Variants in CADM2 observed in about 807,000 individuals in gnomAD.
The protein encoded by CADM2 is immunoglobulin superfamily member 4D.
In CADM2, 12 loss-of-function variants were observed where a neutral mutation model predicts 49.8. The observed-to-expected ratio is 0.24, with a 90% CI of 0.15 to 0.39. The LOEUF is 0.39. Among genes scored for constraint, CADM2 ranks in the 10% least tolerant of loss-of-function variants. The pLI is 1.00. For synonymous variants in CADM2, 214 were observed against 175.4 expected (o/e 1.22, Z -1.74); for missense variants, 378 against 492.3 (o/e 0.77, Z 2.20).
rs556714511 is a variant in CADM2 at position 85,144,272 on chromosome 3, T to C, written c.61+184604T>C. Among the ~76,000 whole-genome samples the C allele has an allele frequency of 8.6e-3, 1,063 of 124,240 alleles. 9 individuals are homozygous for C. Among genetic ancestry groups the C allele is most frequent in the African/African-American group, 0.025 (814 of 33,148 alleles). The allele number at this position is 124,240 out of a possible 152,430, so 81.5% of individuals were successfully genotyped here. Reference sequence around the variant, plus strand: ...ACACACACACACACACACACACACATGTGCACACAATCTTTCTCGTGTCTT... The same window carrying C: ...ACACACACACACACACACACACACACGTGCACACAATCTTTCTCGTGTCTT... On this transcript the variant is annotated intron_variant, in intron 1 of 9. Transcript: ENST00000383699.
intron 1 of CADM2, among the ~76,000 whole-genome samples, chr3:85,295,403 A>G (rs1378475213): frequency 6.6e-6 from 1 of 152,194 alleles, no homozygotes; most frequent in African/African-American, 2.4e-5. Flanking sequence ...GGGATCTAGA[A>G]CTAGAAATAC....
intron 1 of CADM2, among the ~76,000 whole-genome samples, chr3:85,177,819 A>G (rs1193228545): frequency 6.6e-6 from 1 of 152,006 alleles, no homozygotes; most frequent in East Asian, 1.9e-4. Flanking sequence ...TAAGAGAAAT[A>G]GAAAAGCCGT....
intron 1 of CADM2, among the ~76,000 whole-genome samples, chr3:85,040,474 C>G (rs1440159641): frequency 6.6e-6 from 1 of 151,938 alleles, no homozygotes; most frequent in East Asian, 1.9e-4. Flanking sequence ...CTGAGCAACA[C>G]TTACAGATTG....
intron 1 of CADM2, among the ~76,000 whole-genome samples, chr3:85,199,875 A>T (rs2041449054): frequency 6.6e-6 from 1 of 152,058 alleles, no homozygotes; most frequent in Admixed American, 6.6e-5. Context: ...AATCAATGAC[A>T]TTGTACAGAG....
At chr3:85,791,640 A>C (rs1379536759) in intron 2 of CADM2, among the ~76,000 whole-genome samples, 1 of 152,102 alleles carries the variant, frequency 6.6e-6, no homozygotes, top group Non-Finnish European at 1.5e-5. Flanking sequence ...AAAAACTTAA[A>C]GAATAGTAGG....
intron 1 of CADM2, among the ~76,000 whole-genome samples, chr3:85,268,001 T>A (rs1396555650): frequency 2.0e-5 from 3 of 149,484 alleles, no homozygotes; most frequent in African/African-American, 7.6e-5. Flanking sequence ...TTGGAGTGTG[T>A]GACTAGTAAA....
chr3:85,776,811 A>G (rs759929178), intron 2 of CADM2, among the ~76,000 whole-genome samples: 6 of 152,146 alleles, frequency 3.9e-5, no homozygotes, highest in Non-Finnish European at 8.8e-5. Context: ...CCTGGTGATT[A>G]TATATATTTT....
chr3:85,432,539 T>C (rs1044452406), intron 1 of CADM2, among the ~76,000 whole-genome samples: 1 of 152,108 alleles, frequency 6.6e-6, no homozygotes, highest in Non-Finnish European at 1.5e-5. Context: ...TAATCATAAC[T>C]GCAATTAGAG....
intron 1 of CADM2, among the ~76,000 whole-genome samples, chr3:85,307,549 A>C (rs2044244143): frequency 6.6e-6 from 1 of 151,926 alleles, no homozygotes; most frequent in East Asian, 1.9e-4. Context: ...TAATTAAATA[A>C]TTTCCAATGC....
At chr3:85,855,956 G>A (rs1157814272) in intron 3 of CADM2, among the ~76,000 whole-genome samples, 1 of 152,020 alleles carries the variant, frequency 6.6e-6, no homozygotes, top group Non-Finnish European at 1.5e-5. Context: ...CTAATTATAC[G>A]CTTTTTGCAG....
chr3:85,825,899 C>A (rs1272123700), intron 3 of CADM2, among the ~76,000 whole-genome samples: 2 of 151,910 alleles, frequency 1.3e-5, no homozygotes, highest in African/African-American at 2.4e-5. Context: ...GGGATGAATT[C>A]TTACTGTTAA....
intron 1 of CADM2, among the ~76,000 whole-genome samples, chr3:85,400,163 T>G (rs187753651): frequency 6.6e-6 from 1 of 152,306 alleles, no homozygotes; most frequent in African/African-American, 2.4e-5. Context: ...CATGAAGCGT[T>G]GTTGAGTTTT....
At chr3:85,079,778 T>C (rs2037093816) in intron 1 of CADM2, among the ~76,000 whole-genome samples, 1 of 151,932 alleles carries the variant, frequency 6.6e-6, no homozygotes, top group Admixed American at 6.6e-5. Context: ...TTAAAATACC[T>C]TTAAATTTTA....
intron 3 of CADM2, among the ~76,000 whole-genome samples, chr3:85,854,135 C>A (rs1300804101): frequency 6.6e-6 from 1 of 152,224 alleles, no homozygotes; most frequent in East Asian, 1.9e-4. Context: ...GTAGAAAGTA[C>A]TTACTTGCTT....
chr3:85,890,726 A>G (rs1001414273), intron 5 of CADM2, among the ~76,000 whole-genome samples: 5 of 151,862 alleles, frequency 3.3e-5, no homozygotes, highest in African/African-American at 1.2e-4. Context: ...CTGAGATCCC[A>G]AGCTTAACTT....
intron 1 of CADM2, among the ~76,000 whole-genome samples, chr3:85,333,923 A>G (rs1274850233): frequency 2.0e-5 from 3 of 151,740 alleles, no homozygotes; most frequent in African/African-American, 7.2e-5. Flanking sequence ...AGAAAATCTT[A>G]CCGTGTACAA....
intron 3 of CADM2, among the ~76,000 whole-genome samples, chr3:85,844,759 T>TAC (rs906056441): frequency 4.3e-4 from 66 of 151,964 alleles, no homozygotes; most frequent in Admixed American, 3.9e-3. Context: ...GTAACGAGTG[T>TAC]ACACACACAC....
intron 1 of CADM2, among the ~76,000 whole-genome samples, chr3:85,267,274 T>A (rs2106828513): frequency 6.6e-6 from 1 of 151,810 alleles, no homozygotes; most frequent in South Asian, 2.1e-4. Context: ...TGAAATGTGG[T>A]TTTGTCTGGT....
At chr3:85,223,771 A>G (rs1168886438) in intron 1 of CADM2, among the ~76,000 whole-genome samples, 1 of 151,812 alleles carries the variant, frequency 6.6e-6, no homozygotes, top group African/African-American at 2.4e-5. Flanking sequence ...TCCCCCAACA[A>G]GCCCTGCTTT....
Sources: gnomAD v4.1 joint callset for allele counts (sites outside exome capture counted in the v4.1 genomes callset) on GRCh38, gnomAD v4.1.1 for gene constraint, MANE v1.5 for transcripts, NCBI Gene and HGNC (gene_info 2026-07-23, HGNC 2026-07-21) for gene names.